Variants in AGAP1 observed in about 807,000 individuals in gnomAD.
The protein encoded by AGAP1 is ArfGAP with GTPase domain, ankyrin repeat and PH domain 1, also known as arf-GAP with GTPase, ANK repeat and PH domain-containing protein 1.
In AGAP1, 29 loss-of-function variants were observed where a neutral mutation model predicts 105.3. That is an observed-to-expected ratio of 0.28 (90% confidence interval 0.21 to 0.38). AGAP1 has a LOEUF of 0.38. AGAP1 is among the 10% of genes least tolerant of loss of function. AGAP1 has a pLI of 1.00. For synonymous variants in AGAP1, 509 were observed against 485.9 expected, an observed-to-expected ratio of 1.05 and a Z score of -0.63; for missense variants, 998 against 1,165.1, an observed-to-expected ratio of 0.86 and a Z score of 2.09.
intron 13 of AGAP1, among the ~76,000 whole-genome samples, chr2:236,010,312 C>T (rs965214458): frequency 6.6e-6 from 1 of 152,162 alleles, no homozygotes; most frequent in Non-Finnish European, 1.5e-5. Context: ...ACGTAGTAAG[C>T]TGCACACTTT....
In AGAP1 at chr2:235,505,458, A is replaced by C. The variant is rs530431530; in HGVS notation, c.163+10609A>C. On this transcript the variant is annotated intron_variant, in intron 1 of 17. Coordinates refer to ENST00000304032, the MANE Select transcript of AGAP1 (RefSeq NM_001037131.3). ...ATTTATTTTGAGGGATGGTGGTGGG[A>C]GGACCAAGTTTATACTCACTTTGTT... is the stretch of plus-strand genomic sequence containing the variant. 1.4e-3 allele frequency among the ~76,000 whole-genome samples: 219 copies of C among 152,292 alleles called. 1 individual carries two copies. The highest frequency in any genetic ancestry group is 1.5e-3 in the Non-Finnish European group (104 of 68,022).
chr2:235,735,893 C>T (rs1952219102), intron 3 of AGAP1, among the ~76,000 whole-genome samples: 1 of 152,060 alleles, frequency 6.6e-6, no homozygotes. Flanking sequence ...GATGGGACCG[C>T]TGTATCCCCA....
At position 236,001,630 on chromosome 2, in the gene AGAP1, C is replaced by A. The variant is rs866945652; in HGVS notation, c.1645+33007C>A. On this transcript the variant is annotated intron_variant, in intron 13 of 17. Coordinates refer to ENST00000304032, the MANE Select transcript of AGAP1 (RefSeq NM_001037131.3). This position sits in a 1 kb window ranked among gnomAD's most constrained non-coding sequence, Gnocchi z 4.7. ...AGTGAGAGGACACAGAGGCCAGGGC[C>A]GGGAGACCAGGAGGCCGAGAGCGGT... Among the ~76,000 whole-genome samples, 1 of 152,140 alleles carries A rather than the reference C, an allele frequency of 6.6e-6. No individual in the cohort carries two copies. Among genetic ancestry groups the A allele is most frequent in the Non-Finnish European group, 1.5e-5 (1 of 68,038 alleles).
chr2:235,551,645 T>G lies in AGAP1; in HGVS notation c.163+56796T>G, dbSNP rs1055830316. 9.9e-5 allele frequency among the ~76,000 whole-genome samples: 15 copies of G among 152,170 alleles called. No homozygotes were observed. Among genetic ancestry groups the G allele is most frequent in the Non-Finnish European group, 5.9e-5 (4 of 68,040 alleles). Reference sequence around the variant, plus strand: ...ACACTTTGTGAGACTAATTAAAACGTTTTTCTTTCCAAGGCACGTGGCAGG... The same window carrying G: ...ACACTTTGTGAGACTAATTAAAACGGTTTTCTTTCCAAGGCACGTGGCAGG... On this transcript the variant is annotated intron_variant, in intron 1 of 17. Coordinates refer to ENST00000304032, the MANE Select transcript of AGAP1 (RefSeq NM_001037131.3). This position sits in a 1 kb window ranked among gnomAD's most constrained non-coding sequence, Gnocchi z 4.8.
chr2:235,638,138 A>G (rs1947069434), intron 1 of AGAP1, among the ~76,000 whole-genome samples: 1 of 152,164 alleles, frequency 6.6e-6, no homozygotes, highest in Non-Finnish European at 1.5e-5. Flanking sequence ...ATTAACCATA[A>G]CAGGTGTGGG....
chr2:235,667,482 G>T (rs1419941584), intron 1 of AGAP1, among the ~76,000 whole-genome samples: 6 of 152,102 alleles, frequency 3.9e-5, no homozygotes, highest in Non-Finnish European at 2.9e-5. Context: ...CAGGCAGTGT[G>T]ACCCCCAAAC....
intron 9 of AGAP1, among the ~76,000 whole-genome samples, chr2:235,837,033 T>C (rs1425186546): frequency 6.6e-6 from 1 of 152,214 alleles, no homozygotes; most frequent in African/African-American, 2.4e-5. Context: ...TTGCCCGGTC[T>C]GGAGTGCAGT....
At chr2:236,091,948 G>A (rs895725037) in intron 16 of AGAP1, among the ~76,000 whole-genome samples, 1 of 152,150 alleles carries the variant, frequency 6.6e-6, no homozygotes, top group Non-Finnish European at 1.5e-5. Context: ...GAAAAGGAAT[G>A]AATTCTTAAT....
At chr2:235,798,635 T>C (rs1195929283) in intron 7 of AGAP1, among the ~76,000 whole-genome samples, 1 of 152,164 alleles carries the variant, frequency 6.6e-6, no homozygotes, top group Non-Finnish European at 1.5e-5. Flanking sequence ...CCCAGCACTT[T>C]GGGAGCTCAA....
chr2:235,558,954 G>A (rs568532542), intron 1 of AGAP1, among the ~76,000 whole-genome samples: 46 of 151,978 alleles, frequency 3.0e-4, no homozygotes, highest in Non-Finnish European at 5.0e-4. Context: ...ATAGGGTCTC[G>A]CTGTGTGTCC....
chr2:235,823,340 AC>A (rs1404361203), intron 9 of AGAP1, among the ~76,000 whole-genome samples: 1 of 152,018 alleles, frequency 6.6e-6, no homozygotes, highest in Non-Finnish European at 1.5e-5. Context: ...TCCCCGTATC[AC>A]CCAGGCTGGT....
In AGAP1 at chr2:236,125,316, CTAA is replaced by C. The variant is rs2059985892; in HGVS notation, c.*1199_*1201del. On this transcript the variant is annotated 3_prime_UTR_variant, in exon 18 of 18. Coordinates refer to ENST00000304032, the MANE Select transcript of AGAP1 (RefSeq NM_001037131.3). This position sits in a 1 kb window ranked among gnomAD's most constrained non-coding sequence, Gnocchi z 5.2. The stretch of plus-strand genomic sequence containing the variant: ...ATTTATAAATTGAACTGGATGTGAA[CTAA>C]TAATGTGCAACTAGTTGAGATAAGA... The C allele has an allele frequency of 1.3e-5, 2 of 152,566 alleles. No individual in the cohort carries two copies. Among genetic ancestry groups the C allele is most frequent in the African/African-American group, 4.8e-5 (2 of 41,420 alleles). The allele number at this position is 152,566 out of a possible 1,614,324, so 9.5% of individuals were successfully genotyped here. A position where few individuals can be genotyped will look rare whatever the true frequency, so the allele number is the denominator to read the frequency against.
chr2:235,791,892 T>G (rs770871701), intron 6 of AGAP1, among the ~76,000 whole-genome samples: 1 of 152,086 alleles, frequency 6.6e-6, no homozygotes, highest in Non-Finnish European at 1.5e-5. Context: ...CACCTTTGGG[T>G]GGAGACACCA....
rs1387007737 is a variant in AGAP1 at position 235,754,796 on chromosome 2, G to A, written c.673+4308G>A. Among the ~76,000 whole-genome samples, 2 of 152,202 alleles carry A rather than the reference G, an allele frequency of 1.3e-5. No individual in the cohort carries two copies. The highest frequency in any genetic ancestry group is 2.9e-5 in the Non-Finnish European group (2 of 68,044). The stretch of plus-strand genomic sequence containing the variant: ...AGGGGCTAGAGGCAGATTGGGAAGC[G>A]CAGGCAGGGTCCCTTCCTCCGTGAA... On this transcript the variant is annotated intron_variant, in intron 6 of 17. Transcript: ENST00000304032. The surrounding 1 kb of genome is among the most constrained non-coding windows in gnomAD (Gnocchi z 4.6).
At chr2:235,604,467 G>A (rs1424245915) in intron 1 of AGAP1, among the ~76,000 whole-genome samples, 2 of 137,760 alleles carry the variant, frequency 1.5e-5, no homozygotes, top group African/African-American at 5.7e-5. Flanking sequence ...GGGCAACAGA[G>A]CGAGACCCTG....
chr2:236,088,835 A>C (rs145707530), intron 16 of AGAP1, among the ~76,000 whole-genome samples: 1 of 152,196 alleles, frequency 6.6e-6, no homozygotes. Flanking sequence ...TCCAGAACCT[A>C]TCACGGTGCA....
intron 1 of AGAP1, chr2:235,507,473 C>T (rs1941873059): frequency 6.6e-6 from 1 of 152,192 alleles, no homozygotes; most frequent in African/African-American, 2.4e-5. Flanking sequence ...GACAGCTGCT[C>T]CTGCTCCAGA....
At chr2:235,929,593 G>A (rs188891190) in intron 11 of AGAP1, among the ~76,000 whole-genome samples, 49 of 151,238 alleles carry the variant, frequency 3.2e-4, no homozygotes, top group African/African-American at 1.2e-3. Flanking sequence ...CGTACACTAC[G>A]CTTCAGCTCG....
Position 236,038,165 on chromosome 2 carries a change from C to A in AGAP1, c.1800+1450C>A, listed in dbSNP as rs1281100961. 6.6e-6 allele frequency among the ~76,000 whole-genome samples: 1 copy of A among 152,196 alleles called. No homozygotes were observed. The highest frequency in any genetic ancestry group is 2.4e-5 in the African/African-American group (1 of 41,462). On this transcript the variant is annotated intron_variant, in intron 14 of 17. Transcript: ENST00000304032. The surrounding 1 kb of genome is among the most constrained non-coding windows in gnomAD (Gnocchi z 4.5). ...CACCCTGGCTTTACTGGGTCACGTCCACATGCATCCATGATGTGCCTCCTG... is the reference window on the plus strand; with the variant it reads ...CACCCTGGCTTTACTGGGTCACGTCAACATGCATCCATGATGTGCCTCCTG...
Sources: gnomAD v4.1 joint callset for allele counts (sites outside exome capture counted in the v4.1 genomes callset) on GRCh38, gnomAD v4.1.1 for gene constraint, Gnocchi (gnomAD v3.1) non-coding constraint, MANE v1.5 for transcripts, NCBI Gene and HGNC (gene_info 2026-07-23, HGNC 2026-07-21) for gene names.